RTL4: variants seen among roughly 807,000 people sequenced by gnomAD.
RTL4 encodes retrotransposon Gag-like protein 4.
Under a neutral mutation model 5.3 loss-of-function variants are expected in RTL4, and 4 were observed. The observed-to-expected ratio is 0.75, with a 90% CI of 0.37 to 1.72. The LOEUF is 1.72. Ranked by LOEUF, RTL4 falls within the 40% of genes most tolerant of loss-of-function variation. RTL4 has a pLI of 0.04. For missense variants in RTL4, 260 were observed against 227.1 expected (o/e 1.14, Z -0.93); for synonymous variants, 98 against 87.3 (o/e 1.12, Z -0.68).
At chrX:112,110,834 C>T in the RTL4 span, among the ~76,000 whole-genome samples, 1 of 111,752 alleles carries the variant, frequency 8.9e-6, no homozygotes, top group East Asian at 2.8e-4. Context: ...CCTTAATCAC[C>T]CAGGAGGAAC....
the RTL4 span, among the ~76,000 whole-genome samples, chrX:112,276,312 C>G: frequency 1.8e-5 from 2 of 111,463 alleles, no homozygotes; most frequent in South Asian, 3.8e-4. Flanking sequence ...CTTAATGAAG[C>G]CTTTCCCAAA....
At chrX:112,226,994 TAAAATAAAATAAAATA>T in the RTL4 span, among the ~76,000 whole-genome samples, 1 of 99,563 alleles carries the variant, frequency 1.0e-5, no homozygotes, top group African/African-American at 4.1e-5. Context: ...TAAAACAAAA[TAAAATAAAATAAAATA>T]AAATATAAAA....
At chrX:112,244,949 T>G in the RTL4 span, among the ~76,000 whole-genome samples, 1 of 111,833 alleles carries the variant, frequency 8.9e-6, no homozygotes, top group African/African-American at 3.3e-5. Flanking sequence ...CTCCTTCACT[T>G]ATGAAGCTTA....
the RTL4 span, among the ~76,000 whole-genome samples, chrX:112,162,225 A>G: frequency 9.0e-6 from 1 of 111,292 alleles, no homozygotes; most frequent in Admixed American, 9.6e-5. Context: ...TATAGGAAAC[A>G]TTTGTTTCAC....
At chrX:112,140,724 G>T in the RTL4 span, among the ~76,000 whole-genome samples, 1 of 111,718 alleles carries the variant, frequency 9.0e-6, no homozygotes, top group Non-Finnish European at 1.9e-5. Flanking sequence ...TGGGGATTTA[G>T]TTCCAACATT....
the RTL4 span, among the ~76,000 whole-genome samples, chrX:112,264,141 G>C: frequency 9.0e-6 from 1 of 111,319 alleles, no homozygotes; most frequent in Non-Finnish European, 1.9e-5. Flanking sequence ...GCCCAGGAGA[G>C]AATATGAGGG....
At chrX:112,333,120 T>C in the RTL4 span, among the ~76,000 whole-genome samples, 1 of 110,313 alleles carries the variant, frequency 9.1e-6, no homozygotes, top group African/African-American at 3.3e-5. Flanking sequence ...ATATATTCAA[T>C]GGTGTGTGCA....
At chrX:112,283,561 G>A in the RTL4 span, among the ~76,000 whole-genome samples, 4 of 111,497 alleles carry the variant, frequency 3.6e-5, no homozygotes, top group African/African-American at 1.3e-4. Flanking sequence ...TTATTGAATA[G>A]ATAAGAATAC....
At chrX:112,124,623 A>T in the RTL4 span, among the ~76,000 whole-genome samples, 1 of 107,152 alleles carries the variant, frequency 9.3e-6, no homozygotes, top group Non-Finnish European at 1.9e-5. Context: ...GAGTTGAACA[A>T]TGAGAACACA....
the RTL4 span, among the ~76,000 whole-genome samples, chrX:112,357,884 A>G: frequency 8.9e-6 from 1 of 111,897 alleles, no homozygotes; most frequent in East Asian, 2.8e-4. Flanking sequence ...TCAGACTGCA[A>G]CCATCAGAAA....
At chrX:112,198,380 G>T in the RTL4 span, among the ~76,000 whole-genome samples, 1 of 111,389 alleles carries the variant, frequency 9.0e-6, no homozygotes, top group Non-Finnish European at 1.9e-5. Context: ...GTGTCATATA[G>T]TAGGCTCCCA....
At chrX:112,350,680 G>A in the RTL4 span, among the ~76,000 whole-genome samples, 1 of 111,334 alleles carries the variant, frequency 9.0e-6, no homozygotes, top group Non-Finnish European at 1.9e-5. Flanking sequence ...TTCTCTGACG[G>A]TAGTTTGTAT....
chrX:112,300,704 A>C, the RTL4 span, among the ~76,000 whole-genome samples: 5 of 112,397 alleles, frequency 4.4e-5, no homozygotes, highest in African/African-American at 1.6e-4. Context: ...TAGTTAGAGA[A>C]GCAATACGAC....
the RTL4 span, among the ~76,000 whole-genome samples, chrX:112,439,833 G>A: frequency 2.8e-3 from 309 of 111,214 alleles, 1 homozygote; most frequent in African/African-American, 9.7e-3. Flanking sequence ...TTCTCTTTCT[G>A]CCATGATTGG....
At chrX:112,282,167 G>T in the RTL4 span, among the ~76,000 whole-genome samples, 1 of 112,248 alleles carries the variant, frequency 8.9e-6, no homozygotes, top group African/African-American at 3.2e-5. Flanking sequence ...TGTAGATGGT[G>T]TGAGACAAGA....
chrX:112,278,002 T>G, the RTL4 span, among the ~76,000 whole-genome samples: 1 of 112,259 alleles, frequency 8.9e-6, no homozygotes, highest in East Asian at 2.8e-4. Context: ...AAGGATGATT[T>G]AAGTGTTCAG....
At chrX:112,343,212 C>G in the RTL4 span, among the ~76,000 whole-genome samples, 1 of 112,324 alleles carries the variant, frequency 8.9e-6, no homozygotes, top group African/African-American at 3.2e-5. Flanking sequence ...GTAACCACCG[C>G]TAAAAAGATT....
the RTL4 span, among the ~76,000 whole-genome samples, chrX:112,423,844 T>G: frequency 6.3e-4 from 71 of 112,170 alleles, no homozygotes; most frequent in East Asian, 8.4e-3. Context: ...AACTAGTACA[T>G]TTGTCAATTG....
the RTL4 span, among the ~76,000 whole-genome samples, chrX:112,268,572 G>A: frequency 9.0e-6 from 1 of 111,427 alleles, no homozygotes; most frequent in Non-Finnish European, 1.9e-5. Context: ...GTTTCTGGGA[G>A]AAGTGGGAGG....
Sources: gnomAD v4.1 joint callset for allele counts (sites outside exome capture counted in the v4.1 genomes callset) on GRCh38, gnomAD v4.1.1 for gene constraint, MANE v1.5 for transcripts, NCBI Gene and HGNC (gene_info 2026-07-23, HGNC 2026-07-21) for gene names.